The following DCBLD2 variants were observed in gnomAD, a reference collection of about 807,000 sequenced individuals.
DCBLD2 encodes the protein discoidin, CUB and LCCL domain containing 2, also known as discoidin, CUB and LCCL domain-containing protein 2.
DCBLD2 carries 54 observed loss-of-function variants against 86.8 expected under a neutral mutation model. The observed-to-expected ratio is 0.62, with a 90% confidence interval of 0.50 to 0.78. The LOEUF (loss-of-function observed/expected upper bound fraction) is 0.78. DCBLD2 is among the 30% of genes least tolerant of loss of function. The probability of loss-of-function intolerance (pLI) is 0.00; values close to 1 mark genes in which losing one functional copy is unlikely to be tolerated. For synonymous variants in DCBLD2, 354 were observed against 341.3 expected, an observed-to-expected ratio of 1.04 and a Z score of -0.41; for missense variants, 908 against 954.2, an observed-to-expected ratio of 0.95 and a Z score of 0.64.
intron 2 of DCBLD2, among the ~76,000 whole-genome samples, chr3:98,866,507 T>C (rs1469073440): frequency 6.6e-6 from 1 of 152,252 alleles, no homozygotes; most frequent in African/African-American, 2.4e-5. Context: ...ATAAATGTCT[T>C]CTTTTGAGAA....
intron 3 of DCBLD2, among the ~76,000 whole-genome samples, chr3:98,834,507 G>A (rs1488843605): frequency 1.3e-5 from 2 of 152,150 alleles, no homozygotes; most frequent in East Asian, 3.8e-4. Context: ...CTAACTTCAT[G>A]AGATTTACGT....
At chr3:98,836,558 T>G (rs1942454162) in intron 3 of DCBLD2, among the ~76,000 whole-genome samples, 2 of 151,442 alleles carry the variant, frequency 1.3e-5, no homozygotes, top group African/African-American at 2.4e-5. Context: ...CGCCTTTCTA[T>G]TCCACAAAGC....
intron 3 of DCBLD2, among the ~76,000 whole-genome samples, chr3:98,834,780 A>G (rs1282986282): frequency 6.6e-6 from 1 of 152,236 alleles, no homozygotes; most frequent in African/African-American, 2.4e-5. Context: ...TATCTTTTCC[A>G]TATATTGAAA....
At chr3:98,852,813 A>G (rs912345286) in intron 2 of DCBLD2, among the ~76,000 whole-genome samples, 4 of 152,218 alleles carry the variant, frequency 2.6e-5, no homozygotes, top group Non-Finnish European at 5.9e-5. Flanking sequence ...TCCCTGGCCA[A>G]CAGTTACCAA....
Position 98,825,419 on chromosome 3 carries a change from C to T in DCBLD2, c.572-53G>A. 3 of 1,328,244 alleles carry T rather than the reference C, an allele frequency of 2.3e-6. 1 individual carries two copies. In the South Asian group the frequency reaches 4.4e-5, roughly 20 times the overall value. The allele number at this position is 1,328,244 out of a possible 1,614,324, so 82.3% of individuals were successfully genotyped here. A position where few individuals can be genotyped will look rare whatever the true frequency, so the allele number is the denominator to read the frequency against. On this transcript the variant is annotated intron_variant, in intron 3 of 15. Coordinates refer to ENST00000326840, the MANE Select transcript of DCBLD2 (RefSeq NM_080927.4). ...TCCATTAATATACAGGATTACCTTGCTGAAACTCCAAGTGTCTCAGAATCC... is the reference window on the plus strand; with the variant it reads ...TCCATTAATATACAGGATTACCTTGTTGAAACTCCAAGTGTCTCAGAATCC...
At chr3:98,846,366 G>C (rs1176688569) in intron 3 of DCBLD2, among the ~76,000 whole-genome samples, 1 of 152,162 alleles carries the variant, frequency 6.6e-6, no homozygotes, top group Admixed American at 6.5e-5. Context: ...GGAATTCATT[G>C]TGGCAGTTAA....
chr3:98,876,412 T>TAAAAAAA (rs60681986), intron 2 of DCBLD2, among the ~76,000 whole-genome samples: 14 of 47,532 alleles, frequency 2.9e-4, no homozygotes, highest in Non-Finnish European at 4.2e-4. Flanking sequence ...AGATAAAAAG[T>TAAAAAAA]AAAAAAAAAA....
At chr3:98,822,801 AC>A (rs1942147676) in intron 4 of DCBLD2, 60 bp from the exon 5 acceptor site, 3 of 1,430,672 alleles carry the variant, frequency 2.1e-6, no homozygotes, top group South Asian at 1.3e-5. Flanking sequence ...GAAAAAAGCA[AC>A]CCCCCAAAAA....
intron 3 of DCBLD2, among the ~76,000 whole-genome samples, chr3:98,842,744 A>G (rs1942643507): frequency 6.6e-6 from 1 of 152,232 alleles, no homozygotes; most frequent in South Asian, 2.1e-4. Context: ...TAAGCTACAC[A>G]TGGTTAACTG....
At chr3:98,869,493 A>G (rs1015799017) in intron 2 of DCBLD2, among the ~76,000 whole-genome samples, 1 of 152,180 alleles carries the variant, frequency 6.6e-6, no homozygotes, top group African/African-American at 2.4e-5. Flanking sequence ...TCTCTTACTA[A>G]TAAATTCTCT....
At position 98,870,735 on chromosome 3, in the gene DCBLD2, G is replaced by A. The variant is rs1401324924; in HGVS notation, c.433+10805C>T. Among the ~76,000 whole-genome samples, 19 of 60,204 alleles carry A rather than the reference G, an allele frequency of 3.2e-4. 1 individual carries two copies. Among genetic ancestry groups the A allele is most frequent in the East Asian group, 2.0e-3 (6 of 2,940 alleles). 39.5% of individuals were successfully genotyped at this position (60,204 alleles called of 152,430 possible). A position where few individuals can be genotyped will look rare whatever the true frequency, so the allele number is the denominator to read the frequency against. ...GAAAGAAAAAGGAAAAGAAAAGAAA[G>A]AAAAAGAAAGAAAGAAAGAAAGAAA... On this transcript the variant is annotated intron_variant, in intron 2 of 15. Coordinates refer to ENST00000326840, the MANE Select transcript of DCBLD2 (RefSeq NM_080927.4).
chr3:98,874,061 A>G (rs1321360354), intron 2 of DCBLD2, among the ~76,000 whole-genome samples: 3 of 152,244 alleles, frequency 2.0e-5, no homozygotes, highest in African/African-American at 7.2e-5. Flanking sequence ...AGAAAGCTCA[A>G]ACAGACCAAT....
intron 12 of DCBLD2, among the ~76,000 whole-genome samples, chr3:98,810,080 T>C (rs192698602): frequency 1.4e-4 from 21 of 152,334 alleles, no homozygotes; most frequent in Admixed American, 1.2e-3. Flanking sequence ...TTTTTGGGCA[T>C]ACAGGGATCC....
At position 98,864,842 on chromosome 3, in the gene DCBLD2, T is replaced by C. The variant is rs897893411; in HGVS notation, c.434-15244A>G. Among the ~76,000 whole-genome samples the C allele has an allele frequency of 2.0e-5, 3 of 151,962 alleles. No individual in the cohort carries two copies. In the South Asian group the frequency reaches 6.2e-4, roughly 32 times the overall value. ...ACACTGTGCACACGTATCCTAGAAC[T>C]TAAATAATAATAAAAAAAGAAAAAA... is the stretch of plus-strand genomic sequence containing the variant. On this transcript the variant is annotated intron_variant, in intron 2 of 15. Coordinates refer to ENST00000326840, the MANE Select transcript of DCBLD2 (RefSeq NM_080927.4).
At chr3:98,871,415 G>A (rs1039305181) in intron 2 of DCBLD2, among the ~76,000 whole-genome samples, 2 of 152,110 alleles carry the variant, frequency 1.3e-5, no homozygotes, top group Non-Finnish European at 2.9e-5. Flanking sequence ...TTGGCTGTGA[G>A]TTTGTCATAT....
intron 1 of DCBLD2, among the ~76,000 whole-genome samples, chr3:98,884,102 C>T (rs1305041811): frequency 6.6e-6 from 1 of 151,994 alleles, no homozygotes; most frequent in African/African-American, 2.4e-5. Context: ...AAAATCGTAT[C>T]CTTGGCTGAT....
intron 2 of DCBLD2, among the ~76,000 whole-genome samples, chr3:98,871,216 T>C (rs1943277952): frequency 6.6e-6 from 1 of 152,104 alleles, no homozygotes; most frequent in Admixed American, 6.6e-5. Flanking sequence ...AGGTATAAGA[T>C]CACATCATCA....
rs1371121118 is a variant in DCBLD2 at position 98,899,259 on chromosome 3, T to G, written c.205+1863A>C. 6.1e-5 allele frequency among the ~76,000 whole-genome samples: 7 copies of G among 114,024 alleles called. No homozygotes were observed. In the Admixed American group the frequency reaches 8.0e-4, roughly 13 times the overall value. The allele number at this position is 114,024 out of a possible 152,430, so 74.8% of individuals were successfully genotyped here. The stretch of plus-strand genomic sequence containing the variant: ...TCTGATTAGACTGGCTATTTCTTTT[T>G]CTTTTTTTTTTTTTTTTTTTGAGAC... On this transcript the variant is annotated intron_variant, in intron 1 of 15. Transcript: ENST00000326840.
chr3:98,843,393 T>C (rs915478548), intron 3 of DCBLD2, among the ~76,000 whole-genome samples: 3 of 152,184 alleles, frequency 2.0e-5, no homozygotes, highest in African/African-American at 7.2e-5. Flanking sequence ...TAGCCAATTG[T>C]AGTACTGGAA....
Sources: allele counts gnomAD v4.1 joint callset (sites outside exome capture counted in the v4.1 genomes callset), GRCh38; gene constraint gnomAD v4.1.1; transcripts MANE v1.5; gene names NCBI Gene and HGNC (gene_info 2026-07-23, HGNC 2026-07-21).